ZNF277: variants seen among roughly 807,000 people sequenced by gnomAD.
The protein encoded by ZNF277 is zinc finger protein 277, also known as nuclear receptor-interacting factor 4.
ZNF277 carries 55 observed loss-of-function variants against 60.7 expected under a neutral mutation model. The ratio of observed to expected loss-of-function variants is 0.91; its 90% CI spans 0.73 to 1.13. The LOEUF (loss-of-function observed/expected upper bound fraction) is 1.13, where lower values mean the gene tolerates loss of function less well. ZNF277 is among the 50% of genes most tolerant of loss of function. ZNF277 has a pLI of 0.00. For missense variants in ZNF277, 510 were observed against 523.0 expected (o/e 0.98, Z 0.24); for synonymous variants, 178 against 179.3 (o/e 0.99, Z 0.06).
At chr7:112,228,526 T>C (rs149381389) in intron 1 of ZNF277, among the ~76,000 whole-genome samples, 1 of 145,944 alleles carries the variant, frequency 6.9e-6, no homozygotes, top group East Asian at 2.1e-4. Flanking sequence ...TTTATGGACG[T>C]TAGGCCTTAT....
intron 1 of ZNF277, among the ~76,000 whole-genome samples, chr7:112,278,318 C>A (rs990192983): frequency 1.9e-4 from 29 of 152,170 alleles, no homozygotes. Context: ...TTGCACCAAC[C>A]TAACCTCGGC....
intron 4 of ZNF277, among the ~76,000 whole-genome samples, chr7:112,306,245 C>T (rs1461467802): frequency 1.4e-5 from 2 of 139,352 alleles, no homozygotes; most frequent in Non-Finnish European, 3.1e-5. Context: ...GATGGAGTCT[C>T]GCTCTGTCAC....
At chr7:112,286,545 C>T (rs1172601415) in intron 1 of ZNF277, among the ~76,000 whole-genome samples, 1 of 152,132 alleles carries the variant, frequency 6.6e-6, no homozygotes, top group Non-Finnish European at 1.5e-5. Context: ...GCAGCCTTCC[C>T]CCTTGCAAGT....
chr7:112,262,690 A>C (rs891950401), intron 1 of ZNF277, among the ~76,000 whole-genome samples: 2 of 152,136 alleles, frequency 1.3e-5, no homozygotes, highest in Non-Finnish European at 2.9e-5. Flanking sequence ...ATAGTATAAA[A>C]ATGTGCCATT....
chr7:112,241,252 T>C (rs1563201448), intron 1 of ZNF277, among the ~76,000 whole-genome samples: 2 of 151,896 alleles, frequency 1.3e-5, no homozygotes, highest in African/African-American at 4.8e-5. Flanking sequence ...ACCAGGTATA[T>C]GAAAAGGTAC....
At chr7:112,244,251 A>G (rs1377978560) in intron 1 of ZNF277, among the ~76,000 whole-genome samples, 1 of 152,164 alleles carries the variant, frequency 6.6e-6, no homozygotes, top group African/African-American at 2.4e-5. Context: ...TAACAAAACT[A>G]CACTTGTACT....
intron 8 of ZNF277, 65 bp from the exon 9 acceptor site, chr7:112,337,665 C>A: frequency 7.3e-7 from 1 of 1,374,610 alleles, no homozygotes; most frequent in South Asian, 1.3e-5. Context: ...AATACCAAGT[C>A]ACTGTGTAGT....
chr7:112,299,527 AG>A (rs747131407), intron 4 of ZNF277, among the ~76,000 whole-genome samples: 7 of 152,116 alleles, frequency 4.6e-5, no homozygotes, highest in Non-Finnish European at 8.8e-5. Context: ...AACTCATCCT[AG>A]GAAGACTTTA....
chr7:112,325,375 A>G (rs1793070749), intron 5 of ZNF277, among the ~76,000 whole-genome samples: 1 of 152,174 alleles, frequency 6.6e-6, no homozygotes, highest in African/African-American at 2.4e-5. Flanking sequence ...GCCTTCACTC[A>G]GTCTCCTTCC....
chr7:112,242,565 A>T (rs1790984997), intron 1 of ZNF277, among the ~76,000 whole-genome samples: 1 of 136,728 alleles, frequency 7.3e-6, no homozygotes, highest in South Asian at 2.6e-4. Context: ...ACCAAAAAAA[A>T]AAAAAAAACA....
chr7:112,232,833 A>G (rs1051546277), intron 1 of ZNF277, among the ~76,000 whole-genome samples: 2 of 152,110 alleles, frequency 1.3e-5, no homozygotes, highest in Non-Finnish European at 2.9e-5. Context: ...CCAAAAGCCT[A>G]AGGTTTTCTG....
In ZNF277 at chr7:112,307,422, T is replaced by G. The variant is rs921760147; in HGVS notation, c.466-10760T>G. Among the ~76,000 whole-genome samples the G allele has an allele frequency of 1.1e-4, 16 of 151,952 alleles. 1 individual carries two copies. The highest frequency in any genetic ancestry group is 2.2e-4 in the African/African-American group (9 of 41,404). ...AATAAGTTATGAATTTATTTCTTTT[T>G]TTTGTTTGTTTTTGAGACAGTCTCA... On this transcript the variant is annotated intron_variant, in intron 4 of 11. Transcript: ENST00000361822.
At chr7:112,248,764 C>G (rs754710886) in intron 1 of ZNF277, among the ~76,000 whole-genome samples, 3 of 152,028 alleles carry the variant, frequency 2.0e-5, no homozygotes, top group Non-Finnish European at 2.9e-5. Context: ...TCGCATATAT[C>G]TTCGTACATT....
chr7:112,279,442 C>T (rs914933917), intron 1 of ZNF277, among the ~76,000 whole-genome samples: 2 of 152,100 alleles, frequency 1.3e-5, no homozygotes, highest in Non-Finnish European at 2.9e-5. Context: ...ATTTCCCTTT[C>T]CCTGGTGATT....
rs115251633 is a variant in ZNF277, at chr7:112,215,293, G to T, written c.91+8486G>T. Among the ~76,000 whole-genome samples the T allele has an allele frequency of 7.4e-4, 112 of 152,286 alleles. No individual in the cohort carries two copies. The East Asian group carries it at 0.011, about 14-fold the overall frequency. On this transcript the variant is annotated intron_variant, in intron 1 of 11. Transcript: ENST00000361822. The stretch of plus-strand genomic sequence containing the variant: ...TACAAACTAATCAAAGAACATTAAA[G>T]CTGGAATCAAGACAAATCCCACATT...
chr7:112,315,080 A>G (rs1323134265), intron 4 of ZNF277, among the ~76,000 whole-genome samples: 1 of 152,114 alleles, frequency 6.6e-6, no homozygotes, highest in Non-Finnish European at 1.5e-5. Flanking sequence ...TCCTTCCTAT[A>G]AATCCATCCA....
At chr7:112,243,330 T>A (rs1431665390) in intron 1 of ZNF277, among the ~76,000 whole-genome samples, 3 of 151,414 alleles carry the variant, frequency 2.0e-5, no homozygotes, top group Non-Finnish European at 4.4e-5. Context: ...ATAGACAAGT[T>A]GAACTTAAAT....
At position 112,330,334 on chromosome 7, in the gene ZNF277, G is replaced by A. The variant is rs1793198004; in HGVS notation, c.801+118G>A. ...GCAAAAGTCAAAATGTAATTGAGGG[G>A]CACATTCAAGTAGTGATTAGCTTTG... On this transcript the variant is annotated intron_variant, in intron 7 of 11. Coordinates refer to ENST00000361822, the MANE Select transcript of ZNF277 (RefSeq NM_021994.3). 11 of 933,216 alleles carry A rather than the reference G, an allele frequency of 1.2e-5. No individual in the cohort carries two copies. In the East Asian group the frequency reaches 2.5e-4, roughly 22 times the overall value. 57.8% of individuals were successfully genotyped at this position (933,216 alleles called of 1,614,324 possible). A position where few individuals can be genotyped will look rare whatever the true frequency, so the allele number is the denominator to read the frequency against.
At chr7:112,282,799 A>G (rs1430654243) in intron 1 of ZNF277, among the ~76,000 whole-genome samples, 3 of 152,224 alleles carry the variant, frequency 2.0e-5, no homozygotes, top group Non-Finnish European at 4.4e-5. Context: ...TGTAAGCAAG[A>G]CTGGTTGGAT....
Sources: gnomAD v4.1 joint callset for allele counts (sites outside exome capture counted in the v4.1 genomes callset) on GRCh38, gnomAD v4.1.1 for gene constraint, MANE v1.5 for transcripts, NCBI Gene and HGNC (gene_info 2026-07-23, HGNC 2026-07-21) for gene names.